The following FBXL17 variants were observed in gnomAD, a reference collection of about 807,000 sequenced individuals.
The protein encoded by FBXL17 is F-box and leucine rich repeat protein 17, also known as F-box/LRR-repeat protein 17.
Under a neutral mutation model 66.2 loss-of-function variants are expected in FBXL17, and 22 were observed. The observed-to-expected ratio is 0.33, with a 90% CI of 0.24 to 0.47. FBXL17 has a LOEUF of 0.47. Among genes scored for constraint, FBXL17 ranks in the 20% least tolerant of loss-of-function variants. The pLI, the probability that FBXL17 is intolerant of heterozygous loss-of-function variation, is 1.00. For missense variants in FBXL17, 878 were observed against 948.2 expected, an observed-to-expected ratio of 0.93 and a Z score of 0.97; for synonymous variants, 474 against 400.5, an observed-to-expected ratio of 1.18 and a Z score of -2.19.
chr5:108,249,522 A>G (rs1756254745), intron 4 of FBXL17, among the ~76,000 whole-genome samples: 1 of 152,204 alleles, frequency 6.6e-6, no homozygotes, highest in Non-Finnish European at 1.5e-5. Context: ...ATAAATTAAG[A>G]CAATTCTACA....
chr5:108,240,669 T>C (rs934164465), intron 4 of FBXL17, among the ~76,000 whole-genome samples: 5 of 152,190 alleles, frequency 3.3e-5, no homozygotes, highest in African/African-American at 1.2e-4. Flanking sequence ...CCTGGATGGC[T>C]TGACCATCTA....
chr5:107,880,356 G>A (rs1000647571), intron 8 of FBXL17: 2 of 985,382 alleles, frequency 2.0e-6, no homozygotes, highest in South Asian at 9.4e-5. Context: ...TGGGATTACA[G>A]GTGTCAGTAT....
chr5:108,343,923 C>G (rs577001508), intron 4 of FBXL17, among the ~76,000 whole-genome samples: 1 of 152,146 alleles, frequency 6.6e-6, no homozygotes, highest in Non-Finnish European at 1.5e-5. Context: ...TTTATTGAAG[C>G]TTTCTTGTGT....
At chr5:108,009,280 T>TTTATAGATAG (rs1754074487) in intron 7 of FBXL17, among the ~76,000 whole-genome samples, 1 of 22,722 alleles carries the variant, frequency 4.4e-5, no homozygotes, top group Non-Finnish European at 9.6e-5. Context: ...TATATATATA[T>TTTATAGATAG]ATATATATAT....
intron 8 of FBXL17, chr5:107,878,827 G>A: frequency 2.6e-5 from 26 of 985,502 alleles, no homozygotes; most frequent in Non-Finnish European, 3.1e-5. Context: ...CTTTAAGTCT[G>A]AGGAAGCCAG....
In FBXL17 at chr5:107,938,652, C is replaced by G. The variant is rs1263094783; in HGVS notation, c.1823-57473G>C. On this transcript the variant is annotated intron_variant, in intron 7 of 8. Coordinates refer to ENST00000542267, the MANE Select transcript of FBXL17 (RefSeq NM_001163315.3). ...AGAAAGTCAGTAGGTGACTAAGGCA[C>G]TGCAATTTACATCTGCTTAGTGGTG... Among the ~76,000 whole-genome samples, 3 of 152,122 alleles carry G rather than the reference C, an allele frequency of 2.0e-5. No homozygotes were observed. In the East Asian group the frequency reaches 5.8e-4, roughly 29 times the overall value.
chr5:108,349,922 T>C (rs1464897784), intron 3 of FBXL17, among the ~76,000 whole-genome samples: 4 of 152,214 alleles, frequency 2.6e-5, no homozygotes, highest in Non-Finnish European at 2.9e-5. Context: ...AACAGCACAG[T>C]AGCTTAGCAA....
chr5:108,097,864 A>G (rs1749442793), intron 6 of FBXL17, among the ~76,000 whole-genome samples: 1 of 152,018 alleles, frequency 6.6e-6, no homozygotes, highest in Non-Finnish European at 1.5e-5. Context: ...TCATGCTACC[A>G]TAATTCTCTG....
intron 4 of FBXL17, among the ~76,000 whole-genome samples, chr5:108,264,539 A>AT (rs1452326111): frequency 2.0e-5 from 3 of 152,144 alleles, no homozygotes; most frequent in Non-Finnish European, 2.9e-5. Flanking sequence ...TACTATTTCA[A>AT]TTTTTTAAAT....
chr5:107,961,177 C>A (rs972953775), intron 7 of FBXL17, among the ~76,000 whole-genome samples: 1 of 151,704 alleles, frequency 6.6e-6, no homozygotes, highest in Non-Finnish European at 1.5e-5. Flanking sequence ...CTGCTTTTTT[C>A]TTTTCTTTTC....
At chr5:108,326,513 G>C (rs1315067247) in intron 4 of FBXL17, among the ~76,000 whole-genome samples, 1 of 152,074 alleles carries the variant, frequency 6.6e-6, no homozygotes, top group Non-Finnish European at 1.5e-5. Flanking sequence ...TGAGGCAGGA[G>C]AATCGCTTAA....
rs558592322 is a variant in FBXL17 at position 108,081,510 on chromosome 5, A to G, written c.1746-60509T>C. Reference sequence around the variant, plus strand: ...GCCAAGGAGAGCGGATCACGAGGTCAGGAAATCGAGACCATCCTGGCTAAC... The same window carrying G: ...GCCAAGGAGAGCGGATCACGAGGTCGGGAAATCGAGACCATCCTGGCTAAC... On this transcript the variant is annotated intron_variant, in intron 6 of 8. Transcript: ENST00000542267. Among the ~76,000 whole-genome samples, 22 of 152,200 alleles carry G rather than the reference A, an allele frequency of 1.4e-4. No homozygotes were observed. The South Asian group carries it at 4.1e-3, about 29-fold the overall frequency.
chr5:107,877,270 T>G (rs1321294461), intron 8 of FBXL17, among the ~76,000 whole-genome samples: 1 of 152,212 alleles, frequency 6.6e-6, no homozygotes, highest in Non-Finnish European at 1.5e-5. Context: ...GAATCACCAA[T>G]GTTGCAGCCA....
chr5:107,958,894 T>C (rs1314738993), intron 7 of FBXL17, among the ~76,000 whole-genome samples: 1 of 152,198 alleles, frequency 6.6e-6, no homozygotes, highest in Non-Finnish European at 1.5e-5. Flanking sequence ...ATGTTCTAAA[T>C]TGTATATAGA....
intron 3 of FBXL17, among the ~76,000 whole-genome samples, chr5:108,360,444 G>A (rs746224526): frequency 3.3e-5 from 5 of 151,976 alleles, no homozygotes; most frequent in Admixed American, 1.3e-4. Context: ...AGTTTCTGAT[G>A]ATAAAACAGT....
chr5:108,100,136 T>A (rs1263172730), intron 6 of FBXL17, among the ~76,000 whole-genome samples: 1 of 152,178 alleles, frequency 6.6e-6, no homozygotes. Flanking sequence ...CTAAATGCAA[T>A]CACTGGAGTA....
chr5:108,010,338 T>C (rs888865187), intron 7 of FBXL17, among the ~76,000 whole-genome samples: 1 of 152,206 alleles, frequency 6.6e-6, no homozygotes, highest in Non-Finnish European at 1.5e-5. Flanking sequence ...TAAAATTACT[T>C]CTTCCCAAGT....
chr5:108,312,847 A>G (rs553100677), intron 4 of FBXL17, among the ~76,000 whole-genome samples: 2 of 152,280 alleles, frequency 1.3e-5, no homozygotes, highest in Admixed American at 6.5e-5. Context: ...CTAAGTTATC[A>G]GCATAATCAT....
At chr5:108,256,346 G>C (rs895322737) in intron 4 of FBXL17, among the ~76,000 whole-genome samples, 2 of 152,056 alleles carry the variant, frequency 1.3e-5, no homozygotes, top group African/African-American at 4.8e-5. Flanking sequence ...TTATCATTGG[G>C]CAAAAGTTTA....
Sources: allele counts gnomAD v4.1 joint callset (sites outside exome capture counted in the v4.1 genomes callset), GRCh38; gene constraint gnomAD v4.1.1; transcripts MANE v1.5; gene names NCBI Gene and HGNC (gene_info 2026-07-23, HGNC 2026-07-21).